The following HCK variants were observed in gnomAD, a reference collection of about 807,000 sequenced individuals.
HCK encodes HCK proto-oncogene, Src family tyrosine kinase.
A neutral mutation model predicts 70.4 loss-of-function variants in HCK; 40 were observed. That is an observed-to-expected ratio of 0.57 (90% CI 0.44 to 0.74). HCK has a LOEUF of 0.74. HCK is among the 30% of genes least tolerant of loss of function. HCK has a pLI of 0.00. For synonymous variants in HCK, 245 were observed against 263.2 expected (o/e 0.93, Z 0.67); for missense variants, 568 against 697.2 (o/e 0.81, Z 2.09).
rs749459965 is a variant in HCK at position 32,086,814 on chromosome 20, C to T, written c.1015+7C>T. 13 of 1,565,548 alleles carry T rather than the reference C, an allele frequency of 8.3e-6. No individual in the cohort carries two copies. The highest frequency in any genetic ancestry group is 4.6e-5 in the East Asian group (2 of 43,690). On this transcript the variant is annotated splice_region_variant and intron_variant, in intron 9 of 12. Transcript: ENST00000375852. ...ACGGAGTTCATGGCCAAAGGTGCTG[C>T]GTGCTGGGGCTGGGGGTGCAGGCTG...
intron 1 of HCK, among the ~76,000 whole-genome samples, chr20:32,063,328 T>C (rs559064893): frequency 6.6e-5 from 10 of 152,172 alleles, no homozygotes; most frequent in Non-Finnish European, 1.3e-4. Flanking sequence ...CTACAACTCA[T>C]TGTAGCCTCA....
At chr20:32,069,342 T>A (rs1600716008) in intron 1 of HCK, among the ~76,000 whole-genome samples, 1 of 152,200 alleles carries the variant, frequency 6.6e-6, no homozygotes, top group East Asian at 1.9e-4. Context: ...TACAAGGTGC[T>A]CAACGCGCAT....
intron 8 of HCK, among the ~76,000 whole-genome samples, chr20:32,085,725 A>G (rs2045775741): frequency 6.6e-6 from 1 of 152,050 alleles, no homozygotes; most frequent in South Asian, 2.1e-4. Context: ...AGACCCACCA[A>G]ATGAAGCAGG....
At chr20:32,066,552 A>G (rs2045462550) in intron 1 of HCK, among the ~76,000 whole-genome samples, 6 of 151,756 alleles carry the variant, frequency 4.0e-5, no homozygotes, top group Admixed American at 3.9e-4. Context: ...ACCTCAAGTG[A>G]TCCACCCACA....
intron 11 of HCK, among the ~76,000 whole-genome samples, chr20:32,096,365 C>G (rs1458672461): frequency 6.6e-6 from 1 of 151,760 alleles, no homozygotes; most frequent in East Asian, 2.0e-4. Context: ...GGCGTGGTGG[C>G]AGGTGCCTGT....
In HCK at chr20:32,084,257, G is replaced by A. The variant is rs1317958216; in HGVS notation, c.683-134G>A. 6.2e-6 allele frequency: 7 copies of A among 1,128,114 alleles called. No individual in the cohort carries two copies. In the East Asian group the frequency reaches 1.8e-4, roughly 29 times the overall value. 69.9% of individuals were successfully genotyped at this position (1,128,114 alleles called of 1,614,324 possible). A position where few individuals can be genotyped will look rare whatever the true frequency, so the allele number is the denominator to read the frequency against. On this transcript the variant is annotated intron_variant, in intron 7 of 12. Coordinates refer to ENST00000375852, the MANE Select transcript of HCK (RefSeq NM_002110.5). Reference sequence around the variant, plus strand: ...GCACCCCGTCACACTCTGCTTGCTTGGGAATGTCTCTGATGGTGGCAACCA... The same window carrying A: ...GCACCCCGTCACACTCTGCTTGCTTAGGAATGTCTCTGATGGTGGCAACCA...
chr20:32,052,263 C>T lies in HCK; in HGVS notation c.-162C>T, dbSNP rs1160412233. On this transcript the variant is annotated 5_prime_UTR_variant, in exon 1 of 13. Transcript: ENST00000375852. ...CGCCACCACGTCCCTGGTCCCAGCT[C>T]GGGAGCACATCAGAGGCTTAGAGGC... 2.0e-6 allele frequency: 1 copy of T among 500,388 alleles called. No homozygotes were observed. Among genetic ancestry groups the T allele is most frequent in the Non-Finnish European group, 3.3e-6 (1 of 305,878 alleles). The allele number at this position is 500,388 out of a possible 1,614,324, so 31.0% of individuals were successfully genotyped here.
intron 6 of HCK, among the ~76,000 whole-genome samples, chr20:32,082,511 G>A (rs924273112): frequency 3.3e-5 from 5 of 151,898 alleles, no homozygotes; most frequent in South Asian, 2.1e-4. Flanking sequence ...GCGTAGTGGC[G>A]GGCGTCTGTA....
At chr20:32,096,152 A>C (rs2122630297) in intron 11 of HCK, among the ~76,000 whole-genome samples, 1 of 151,896 alleles carries the variant, frequency 6.6e-6, no homozygotes. Context: ...GGCCTCCCGA[A>C]GTGCTGGGAT....
intron 11 of HCK, among the ~76,000 whole-genome samples, chr20:32,096,983 AT>A (rs112987706): frequency 9.9e-5 from 15 of 152,042 alleles, no homozygotes; most frequent in Non-Finnish European, 4.4e-5. Context: ...TTATAACTCG[AT>A]TAAAAAAAAT....
At chr20:32,060,898 GA>G (rs1223338612) in intron 1 of HCK, among the ~76,000 whole-genome samples, 1 of 35,594 alleles carries the variant, frequency 2.8e-5, no homozygotes, top group East Asian at 2.2e-3. Flanking sequence ...GAAAAGGAAG[GA>G]AGAAAGGAAG....
At chr20:32,080,538 G>A (rs1369627182) in intron 6 of HCK, among the ~76,000 whole-genome samples, 5 of 152,172 alleles carry the variant, frequency 3.3e-5, no homozygotes, top group Non-Finnish European at 7.4e-5. Flanking sequence ...CTGTTGCCCA[G>A]GCTGGTATGC....
At chr20:32,084,077 C>T (rs755928099) in intron 7 of HCK, 34 bp downstream of exon 7, 41 of 1,604,382 alleles carry the variant, frequency 2.6e-5, no homozygotes, top group South Asian at 5.5e-5. Flanking sequence ...ATCCCCACCA[C>T]GATGGGCCCA....
chr20:32,101,319 A>T lies in HCK; in HGVS notation c.1381A>T (p.Met461Leu). 1 of 1,613,586 alleles carries T rather than the reference A, an allele frequency of 6.2e-7. No homozygotes were observed. The highest frequency in any genetic ancestry group is 8.5e-7 in the Non-Finnish European group (1 of 1,179,768). ...CTAATTCCACGGCTCCTTTTCAGGG[A>T]TGTCAAACCCTGAAGTGATCCGAGC... is the stretch of plus-strand genomic sequence containing the variant. The change falls in exon 13 of 13, where the codon ATG becomes TTG. Residue 461 changes from methionine (M) to leucine (L), a missense_variant and splice_region_variant. Around this residue, in one of 4 missense-constraint regions of HCK, gnomAD observed 160 missense variants for 237.5 expected, o/e 0.67. Transcript: ENST00000375852.
chr20:32,065,957 G>A (rs1283165480), intron 1 of HCK, among the ~76,000 whole-genome samples: 2 of 152,174 alleles, frequency 1.3e-5, no homozygotes, highest in African/African-American at 4.8e-5. Context: ...TGGGAACCTT[G>A]TTAAAATGCA....
chr20:32,081,354 G>A (rs1350968221), intron 6 of HCK, among the ~76,000 whole-genome samples: 4 of 152,178 alleles, frequency 2.6e-5, no homozygotes, highest in Non-Finnish European at 4.4e-5. Context: ...GGAAAACATC[G>A]CGTAGCTCAA....
At chr20:32,070,811 T>A (rs2045524927) in intron 1 of HCK, among the ~76,000 whole-genome samples, 1 of 151,300 alleles carries the variant, frequency 6.6e-6, no homozygotes, top group African/African-American at 2.4e-5. Context: ...GCTGTGTAAA[T>A]GGATGAATGA....
intron 1 of HCK, 150 bp downstream of exon 1, chr20:32,052,636 G>A (rs893249536): frequency 4.4e-4 from 219 of 500,418 alleles, no homozygotes; most frequent in Non-Finnish European, 6.3e-4. Context: ...CGGGTAGCCC[G>A]GGGGATGAGG....
At chr20:32,084,785 T>A (rs2045760353) in intron 8 of HCK, among the ~76,000 whole-genome samples, 1 of 152,212 alleles carries the variant, frequency 6.6e-6, no homozygotes, top group Admixed American at 6.5e-5. Flanking sequence ...GAAGCAGGTG[T>A]CATGGATGAG....
Sources: allele counts gnomAD v4.1 joint callset (sites outside exome capture counted in the v4.1 genomes callset), GRCh38; gene constraint gnomAD v4.1.1; regional missense constraint gnomAD v4.1.1; transcripts MANE v1.5; gene names NCBI Gene and HGNC (gene_info 2026-07-23, HGNC 2026-07-21).